ZRANB3: variants seen among roughly 807,000 people sequenced by gnomAD.
ZRANB3 encodes the protein zinc finger RANBP2-type containing 3.
A neutral mutation model predicts 133.8 loss-of-function variants in ZRANB3; 125 were observed. The ratio of observed to expected loss-of-function variants is 0.93; its 90% CI spans 0.81 to 1.08. The LOEUF is 1.08. Ranked by LOEUF, ZRANB3 falls within the 50% of genes least tolerant of loss-of-function variation. The pLI is 0.00. For missense variants in ZRANB3, 1,229 were observed against 1,275.5 expected, an observed-to-expected ratio of 0.96 and a Z score of 0.56; for synonymous variants, 387 against 432.7, an observed-to-expected ratio of 0.89 and a Z score of 1.31.
At chr2:135,352,578 T>C (rs1297564541) in intron 4 of ZRANB3, among the ~76,000 whole-genome samples, 1 of 152,118 alleles carries the variant, frequency 6.6e-6, no homozygotes, top group African/African-American at 2.4e-5. Flanking sequence ...GAATTAGCAT[T>C]TCAAGGTTGA....
chr2:135,447,285 C>T (rs556635070), intron 2 of ZRANB3, among the ~76,000 whole-genome samples: 4 of 152,262 alleles, frequency 2.6e-5, no homozygotes, highest in African/African-American at 7.2e-5. Context: ...GTGATCTGCC[C>T]GCCTTGGCCT....
chr2:135,203,612 CAAAAAAAAAAAAAA>C (rs1051712787), intron 19 of ZRANB3, among the ~76,000 whole-genome samples: 21 of 62,090 alleles, frequency 3.4e-4, no homozygotes, highest in Non-Finnish European at 1.4e-4. Context: ...GACTCGGTCT[CAAAAAAAAAAAAAA>C]AAAAAAAGAA....
rs1422710551 is a variant in ZRANB3 at position 135,297,798 on chromosome 2, T to C, written c.966+15691A>G. Among the ~76,000 whole-genome samples the C allele has an allele frequency of 2.0e-5, 3 of 152,262 alleles. No homozygotes were observed. In the East Asian group the frequency reaches 5.8e-4, roughly 29 times the overall value. On this transcript the variant is annotated intron_variant, in intron 8 of 20. Transcript: ENST00000264159. ...TCTCTGAAGTTCTTTATTCTACTTG[T>C]TCAATTATATTGTTGTAAGTTTACA... is the stretch of plus-strand genomic sequence containing the variant.
intron 1 of ZRANB3, among the ~76,000 whole-genome samples, chr2:135,507,035 G>C (rs1490575926): frequency 6.6e-6 from 1 of 152,194 alleles, no homozygotes; most frequent in African/African-American, 2.4e-5. Flanking sequence ...CAGGAAAACT[G>C]TTTTCAGGTT....
At chr2:135,409,139 A>G (rs544376089) in intron 2 of ZRANB3, among the ~76,000 whole-genome samples, 2 of 152,254 alleles carry the variant, frequency 1.3e-5, no homozygotes, top group East Asian at 3.9e-4. Flanking sequence ...AGGAGCAGAC[A>G]CATCATATGG....
At chr2:135,332,416 T>C (rs971903329) in intron 6 of ZRANB3, among the ~76,000 whole-genome samples, 4 of 152,212 alleles carry the variant, frequency 2.6e-5, no homozygotes, top group Admixed American at 6.5e-5. Context: ...TCAAGTACTA[T>C]GTCTTATTCA....
At chr2:135,497,872 G>C (rs964210400) in intron 2 of ZRANB3, among the ~76,000 whole-genome samples, 8 of 152,012 alleles carry the variant, frequency 5.3e-5, no homozygotes, top group African/African-American at 1.9e-4. Flanking sequence ...GGCCAACATG[G>C]TAAAACCTTG....
At position 135,403,333 on chromosome 2, in the gene ZRANB3, C is replaced by T. The variant is rs1018003886; in HGVS notation, c.162-12513G>A. Among the ~76,000 whole-genome samples, 55 of 152,208 alleles carry T rather than the reference C, an allele frequency of 3.6e-4. 1 individual carries two copies. Among genetic ancestry groups the T allele is most frequent in the South Asian group, 2.1e-4 (1 of 4,830 alleles). On this transcript the variant is annotated intron_variant, in intron 2 of 20. Coordinates refer to ENST00000264159, the MANE Select transcript of ZRANB3 (RefSeq NM_032143.4). Reference sequence around the variant, plus strand: ...CCCGCACCTGGCTCGGAGGGTCCTCCGCCCACAGAGCCTCGCTCATTGCTA... The same window carrying T: ...CCCGCACCTGGCTCGGAGGGTCCTCTGCCCACAGAGCCTCGCTCATTGCTA...
intron 12 of ZRANB3, among the ~76,000 whole-genome samples, chr2:135,233,793 G>A (rs1036795818): frequency 5.3e-5 from 8 of 152,204 alleles, no homozygotes; most frequent in Non-Finnish European, 1.0e-4. Flanking sequence ...CCTGAAGGAA[G>A]CACTAAACAT....
intron 2 of ZRANB3, among the ~76,000 whole-genome samples, chr2:135,406,884 T>A (rs1236372394): frequency 6.6e-6 from 1 of 152,142 alleles, no homozygotes. Flanking sequence ...GGGCAAAAAC[T>A]GGAAGCATTC....
rs138662058 is a variant in ZRANB3 at position 135,315,637 on chromosome 2, T to C, written c.678-107A>G. ...AATGATAAGGAGCCATGACACTGTT[T>C]TCATTGATATTTCTGAATGAATATT... On this transcript the variant is annotated intron_variant, in intron 6 of 20. Coordinates refer to ENST00000264159, the MANE Select transcript of ZRANB3 (RefSeq NM_032143.4). 9.6e-3 allele frequency: 7,686 copies of C among 801,824 alleles called. 48 individuals carry two copies. The highest frequency in any genetic ancestry group is 0.034 in the Middle Eastern group (86 of 2,550). The allele number at this position is 801,824 out of a possible 1,614,324, so 49.7% of individuals were successfully genotyped here.
chr2:135,394,713 A>T (rs552995271), intron 2 of ZRANB3, among the ~76,000 whole-genome samples: 2 of 152,144 alleles, frequency 1.3e-5, no homozygotes, highest in Non-Finnish European at 2.9e-5. Flanking sequence ...TAAATTTTAC[A>T]TTGTGTTTTT....
intron 12 of ZRANB3, among the ~76,000 whole-genome samples, chr2:135,252,629 A>T (rs930860113): frequency 5.9e-5 from 9 of 152,174 alleles, no homozygotes; most frequent in Admixed American, 5.2e-4. Context: ...AGGTTCAGAG[A>T]CACCTCAAAC....
intron 8 of ZRANB3, among the ~76,000 whole-genome samples, chr2:135,300,211 C>A (rs1213700929): frequency 6.6e-6 from 1 of 152,156 alleles, no homozygotes; most frequent in East Asian, 1.9e-4. Flanking sequence ...AAAAACTAAA[C>A]ACCACAAATA....
At chr2:135,344,869 G>A (rs1171286336) in intron 6 of ZRANB3, among the ~76,000 whole-genome samples, 1 of 152,168 alleles carries the variant, frequency 6.6e-6, no homozygotes, top group African/African-American at 2.4e-5. Context: ...TGCTATATAT[G>A]TTGAAATAAA....
At chr2:135,515,465 G>C (rs146998823) in intron 1 of ZRANB3, among the ~76,000 whole-genome samples, 1,573 of 152,258 alleles carry the variant, frequency 0.01, 25 homozygotes, top group African/African-American at 0.036. Flanking sequence ...CTGTGTCCCA[G>C]AGATTCTGGT....
Position 135,227,857 on chromosome 2 carries a change from G to C in ZRANB3, c.2113C>G (p.Pro705Ala), listed in dbSNP as rs768009873. The change falls in exon 14 of 21, where the codon CCA becomes GCA. Residue 705 changes from proline (P) to alanine (A), a missense_variant. By Grantham distance (27) the Pro-to-Ala change is conservative. Transcript: ENST00000264159. ...AGTCCGTCTTCTTTCTCAATTTTTG[G>C]TGTTTCTTCCTTGCTGTCAGCCAAC... ...GQLADSKEET[P>A]KIEKEDGLTS... 1.1e-5 allele frequency: 18 copies of C among 1,577,042 alleles called. No homozygotes were observed. In the Admixed American group the frequency reaches 2.6e-4, roughly 23 times the overall value.
At chr2:135,394,024 AT>A (rs534051506) in intron 2 of ZRANB3, among the ~76,000 whole-genome samples, 143 of 145,808 alleles carry the variant, frequency 9.8e-4, no homozygotes, top group South Asian at 8.7e-4. Context: ...TGCCCAGCTA[AT>A]TTTTTTTTTT....
intron 2 of ZRANB3, among the ~76,000 whole-genome samples, chr2:135,407,270 A>G (rs13409136): frequency 0.051 from 7,695 of 152,094 alleles, 769 homozygotes; most frequent in East Asian, 0.46. Context: ...TACAAGGGAC[A>G]TGAAGGACCT....
Sources: allele counts gnomAD v4.1 joint callset (sites outside exome capture counted in the v4.1 genomes callset), GRCh38; gene constraint gnomAD v4.1.1; transcripts MANE v1.5; gene names NCBI Gene and HGNC (gene_info 2026-07-23, HGNC 2026-07-21).